BMS1: variants seen among roughly 807,000 people sequenced by gnomAD.
BMS1 encodes ribosome biogenesis protein BMS1 homolog.
BMS1 carries 53 observed loss-of-function variants against 138.7 expected under a neutral mutation model. The observed-to-expected ratio is 0.38, with a 90% CI of 0.31 to 0.48. The LOEUF is 0.48. BMS1 is among the 20% of genes least tolerant of loss of function. The pLI, the probability that BMS1 is intolerant of heterozygous loss-of-function variation, is 0.97. For synonymous variants in BMS1, 504 were observed against 539.9 expected (o/e 0.93, Z 0.92); for missense variants, 1,360 against 1,565.5 (o/e 0.87, Z 2.22).
chr10:42,787,334 C>A, intron 4 of BMS1, 87 bp downstream of exon 4: 2 of 1,004,906 alleles, frequency 2.0e-6, no homozygotes, highest in Non-Finnish European at 1.6e-6. Context: ...GGAAGAGAGT[C>A]TTATAATTAT....
chr10:42,830,223 T>C, intron 21 of BMS1, 38 bp from the exon 22 acceptor site: 2 of 1,598,338 alleles, frequency 1.3e-6, no homozygotes, highest in Non-Finnish European at 1.7e-6. Context: ...ACATTGATCA[T>C]AATTTGAATA....
In BMS1 at chr10:42,802,156, A is replaced by G. The variant is rs780881564; in HGVS notation, c.2267A>G (p.Asp756Gly). ...CGTAAGGTTATGAACAGTATCAGAG[A>G]TTGCTTCGTGACTGGAAAGTGGGAA... ...DLEEVMNSIR[D>G]CFVTGKWEDD... is the part of the protein sequence containing the mutation. The change falls in exon 13 of 23, where the codon GAT (aspartate) becomes GGT (glycine). Residue 756 changes from aspartate (D) to glycine (G), a missense_variant. Physicochemically the swap from Asp to Gly is moderately conservative, Grantham distance 94 (BLOSUM62 -1). Coordinates refer to ENST00000374518, the MANE Select transcript of BMS1 (RefSeq NM_014753.4). 1 of 1,613,496 alleles carries G rather than the reference A, an allele frequency of 6.2e-7. No homozygotes were observed. Among genetic ancestry groups the G allele is most frequent in the Admixed American group, 1.7e-5 (1 of 59,980 alleles).
chr10:42,807,906 G>A (rs1842057519), intron 13 of BMS1, among the ~76,000 whole-genome samples: 1 of 152,170 alleles, frequency 6.6e-6, no homozygotes, highest in Non-Finnish European at 1.5e-5. Flanking sequence ...GTTTCTACTA[G>A]CAATTATGTG....
chr10:42,811,613 C>T (rs1842185618), intron 13 of BMS1, among the ~76,000 whole-genome samples: 1 of 140,838 alleles, frequency 7.1e-6, no homozygotes, highest in African/African-American at 2.7e-5. Flanking sequence ...CAAGCTCCGC[C>T]TCCTGGGTTC....
At position 42,833,137 on chromosome 10, in the gene BMS1, T is replaced by C. The variant is rs1049339167; in HGVS notation, c.*2041T>C. ...AAGAATGTTTAATTACAGTTGCAGA[T>C]AATTGCCTTTTCCAAAGACAATGTA... On this transcript the variant is annotated 3_prime_UTR_variant, in exon 23 of 23. Transcript: ENST00000374518. 2.0e-5 allele frequency: 3 copies of C among 152,228 alleles called. No individual in the cohort carries two copies. Among genetic ancestry groups the C allele is most frequent in the Non-Finnish European group, 4.4e-5 (3 of 68,042 alleles). 9.4% of individuals were successfully genotyped at this position (152,228 alleles called of 1,614,324 possible). A position where few individuals can be genotyped will look rare whatever the true frequency, so the allele number is the denominator to read the frequency against.
chr10:42,794,919 C>T (rs1841628737), intron 9 of BMS1, among the ~76,000 whole-genome samples: 1 of 152,070 alleles, frequency 6.6e-6, no homozygotes. Context: ...CCCGCTCTGC[C>T]CACCCCACAA....
Position 42,820,664 on chromosome 10 carries a change from A to C in BMS1, c.2926A>C (p.Met976Leu). 2 of 1,611,994 alleles carry C rather than the reference A, an allele frequency of 1.2e-6. No homozygotes were observed. The highest frequency in any genetic ancestry group is 8.5e-7 in the Non-Finnish European group (1 of 1,179,826). The part of the protein sequence containing the change: ...QRLLKYTPQH[M>L]HCGAAFWGPI... ...GCTTCTAAAGTATACCCCACAGCAC[A>C]TGCATTGCGGAGCAGCCTTTTGGGG... The change falls in exon 17 of 23, where the codon ATG becomes CTG. Residue 976 changes from methionine to leucine, a missense_variant. Met to Leu is a conservative substitution (Grantham distance 15). This residue lies in a region of BMS1 where 425 missense variants were observed against 568.3 expected (regional missense o/e 0.75). Coordinates refer to ENST00000374518, the MANE Select transcript of BMS1 (RefSeq NM_014753.4).
intron 9 of BMS1, among the ~76,000 whole-genome samples, chr10:42,795,525 T>C (rs1394483107): frequency 6.6e-6 from 1 of 151,640 alleles, no homozygotes; most frequent in Non-Finnish European, 1.5e-5. Context: ...CTCACCATGT[T>C]GCCCAGGCTG....
In BMS1 at chr10:42,817,614, T is replaced by G; in HGVS notation, c.2580+120T>G. 4 of 940,572 alleles carry G rather than the reference T, an allele frequency of 4.3e-6. No individual in the cohort carries two copies. In the East Asian group the frequency reaches 1.1e-4, roughly 25 times the overall value. The allele number at this position is 940,572 out of a possible 1,614,324, so 58.3% of individuals were successfully genotyped here. On this transcript the variant is annotated intron_variant, in intron 15 of 22. Coordinates refer to ENST00000374518, the MANE Select transcript of BMS1 (RefSeq NM_014753.4). ...TCTGTGTATCCTGCTTCTGTGCCTT[T>G]CATTCGGACTCCTGGGTAGAGATGC...
intron 13 of BMS1, among the ~76,000 whole-genome samples, chr10:42,808,109 G>A (rs1842062190): frequency 6.6e-6 from 1 of 151,928 alleles, no homozygotes; most frequent in Non-Finnish European, 1.5e-5. Flanking sequence ...AATGTCTGGG[G>A]ATGTCTTTTT....
rs112856164 is a variant in BMS1, at chr10:42,784,348, C to T, written c.-33-14C>T. On this transcript the variant is annotated splice_polypyrimidine_tract_variant and intron_variant, in intron 1 of 22. Coordinates refer to ENST00000374518, the MANE Select transcript of BMS1 (RefSeq NM_014753.4). ...GCTTCTCCCATCTCCTTACCCCAAC[C>T]TTCTTCCTTGTAGGTTAGAGTTACT... 1,236 of 1,532,602 alleles carry T rather than the reference C, an allele frequency of 8.1e-4. 1 individual carries two copies. Among genetic ancestry groups the T allele is most frequent in the Non-Finnish European group, 1.0e-3 (1,146 of 1,146,162 alleles). 94.9% of individuals were successfully genotyped at this position (1,532,602 alleles called of 1,614,324 possible). A position where few individuals can be genotyped will look rare whatever the true frequency, so the allele number is the denominator to read the frequency against.
intron 11 of BMS1, 79 bp downstream of exon 11, chr10:42,797,602 G>T (rs2132320476): frequency 1.4e-6 from 2 of 1,410,364 alleles, no homozygotes; most frequent in East Asian, 4.6e-5. Flanking sequence ...GGAGGATTCG[G>T]CTGGTATTGT....
rs1346060077 is a variant in BMS1 at position 42,816,776 on chromosome 10, G to A, written c.2403+104G>A. ...TGTGATGTGTGAAGATTGCAGACTG[G>A]ATAGATAGATTCCTTCCTAAAGGGT... On this transcript the variant is annotated intron_variant, in intron 14 of 22. Transcript: ENST00000374518. The A allele has an allele frequency of 4.5e-6, 4 of 889,542 alleles. No homozygotes were observed. The African/African-American group carries it at 6.9e-5, about 15-fold the overall frequency. 55.1% of individuals were successfully genotyped at this position (889,542 alleles called of 1,614,324 possible).
chr10:42,831,158 T>C lies in BMS1; in HGVS notation c.*62T>C. 1 of 1,453,908 alleles carries C rather than the reference T, an allele frequency of 6.9e-7. No homozygotes were observed. The highest frequency in any genetic ancestry group is 2.5e-5 in the East Asian group (1 of 40,280). The allele number at this position is 1,453,908 out of a possible 1,614,324, so 90.1% of individuals were successfully genotyped here. On this transcript the variant is annotated 3_prime_UTR_variant, in exon 23 of 23. Transcript: ENST00000374518. The stretch of plus-strand genomic sequence containing the variant: ...AGGTAGACAGTTTCAAACATCACAG[T>C]TTGAATGCCTGTGAATGACAAGTCA...
rs1337379213 is a variant in BMS1, at chr10:42,797,034, GCTC to G, written c.1794_1796del (p.Ser599del). 9.9e-6 allele frequency: 16 copies of G among 1,614,064 alleles called. No individual in the cohort carries two copies. Among genetic ancestry groups the G allele is most frequent in the Non-Finnish European group, 1.4e-5 (16 of 1,180,022 alleles). ...GCATCTGAAGATGAATCTGAAGAAA[GCTC>G]CTCACTCAGTGCAGAGGAAGAAGAC... is the stretch of plus-strand genomic sequence containing the variant. On this transcript the variant is annotated inframe_deletion, in exon 10 of 23. Coordinates refer to ENST00000374518, the MANE Select transcript of BMS1 (RefSeq NM_014753.4).
At chr10:42,799,720 C>T (rs1841810715) in intron 12 of BMS1, among the ~76,000 whole-genome samples, 1 of 152,220 alleles carries the variant, frequency 6.6e-6, no homozygotes, top group South Asian at 2.1e-4. Flanking sequence ...GTGACACCAG[C>T]CACAGTCCCC....
rs753670075 is a variant in BMS1 at position 42,797,392 on chromosome 10, C to T, written c.1988-30C>T. ...AGGGAGGGGAGACACATGAATAAGC[C>T]TAACTGGAGGTTGGCATTGGTCGTT... On this transcript the variant is annotated intron_variant, in intron 10 of 22. Transcript: ENST00000374518. 8 of 1,611,104 alleles carry T rather than the reference C, an allele frequency of 5.0e-6. No individual in the cohort carries two copies. In the Admixed American group the frequency reaches 1.3e-4, roughly 27 times the overall value.
chr10:42,798,348 C>T, intron 11 of BMS1, 120 bp from the exon 12 acceptor site: 3 of 1,275,624 alleles, frequency 2.4e-6, no homozygotes, highest in South Asian at 2.8e-5. Flanking sequence ...GCCATACCCA[C>T]CACAGACAGA....
intron 21 of BMS1, among the ~76,000 whole-genome samples, chr10:42,826,237 T>TTGTGTGTG (rs35886214): frequency 0.046 from 6,762 of 145,596 alleles, 188 homozygotes; most frequent in Non-Finnish European, 0.057. Flanking sequence ...TTTTTGTTTG[T>TTGTGTGTG]TGTGTGTGTG....
Sources: allele counts gnomAD v4.1 joint callset (sites outside exome capture counted in the v4.1 genomes callset), GRCh38; gene constraint gnomAD v4.1.1; regional missense constraint gnomAD v4.1.1; transcripts MANE v1.5; gene names NCBI Gene and HGNC (gene_info 2026-07-23, HGNC 2026-07-21).